ABCC4: variants seen among roughly 807,000 people sequenced by gnomAD.
The protein encoded by ABCC4 is ATP-binding cassette sub-family C member 4.
Under a neutral mutation model 168.5 loss-of-function variants are expected in ABCC4, and 102 were observed. That is an observed-to-expected ratio of 0.61 (90% CI 0.52 to 0.71). ABCC4 has a LOEUF of 0.71. Among genes scored for constraint, ABCC4 ranks in the 30% least tolerant of loss-of-function variants. The pLI is 0.00. For missense variants in ABCC4, 1,402 were observed against 1,605.8 expected, an observed-to-expected ratio of 0.87 and a Z score of 2.17; for synonymous variants, 617 against 590.7, an observed-to-expected ratio of 1.04 and a Z score of -0.65.
chr13:95,281,238 A>AGG (rs1261793057), intron 1 of ABCC4, among the ~76,000 whole-genome samples: 1 of 130,720 alleles, frequency 7.6e-6, no homozygotes. Flanking sequence ...TGAATCTGGG[A>AGG]GGTGGACGTT....
chr13:95,191,052 C>T (rs569883322), intron 9 of ABCC4, among the ~76,000 whole-genome samples: 3 of 152,284 alleles, frequency 2.0e-5, no homozygotes, highest in South Asian at 4.1e-4. Flanking sequence ...GAGGGAAGCA[C>T]GCATGGAGTC....
In ABCC4 at chr13:95,289,796, C is replaced by A. The variant is rs181214777; in HGVS notation, c.74+11445G>T. Among the ~76,000 whole-genome samples the A allele has an allele frequency of 2.0e-5, 3 of 152,224 alleles. No homozygotes were observed. The East Asian group carries it at 5.8e-4, about 29-fold the overall frequency. On this transcript the variant is annotated intron_variant, in intron 1 of 30. Coordinates refer to ENST00000645237, the MANE Select transcript of ABCC4 (RefSeq NM_005845.5). ...CAGTGCCCATCAGAAACGTAGAGAA[C>A]CTTTTTAAAATATTGATGTGCGGGG...
chr13:95,281,795 CA>C (rs2041131411), intron 1 of ABCC4, among the ~76,000 whole-genome samples: 1 of 151,818 alleles, frequency 6.6e-6, no homozygotes, highest in African/African-American at 2.4e-5. Flanking sequence ...ATAGTCTGCT[CA>C]GGCTGCCATA....
chr13:95,033,496 C>T (rs2031980051), intron 30 of ABCC4, among the ~76,000 whole-genome samples: 1 of 152,172 alleles, frequency 6.6e-6, no homozygotes. Context: ...TTAAATCAAA[C>T]TGCAGTTATC....
rs750481110 is a variant in ABCC4, at chr13:95,206,568, C to T, written c.1125G>A (p.Arg375=). 7 of 1,613,980 alleles carry T rather than the reference C, an allele frequency of 4.3e-6. No individual in the cohort carries two copies. In the African/African-American group the frequency reaches 8.0e-5, roughly 18 times the overall value. Residue 375 remains arginine, a synonymous_variant, in exon 8 of 31, where the codon AGG becomes AGA. Transcript: ENST00000645237. ...VTLFFPSAIE[R]VSEAIVSIRR... is the part of the protein sequence containing the mutation. The stretch of plus-strand genomic sequence containing the variant: ...GGATGCTGACGATTGCCTCTGACAC[C>T]CTCTCAATGGCTGAGGGGAAGAAGA...
intron 19 of ABCC4, among the ~76,000 whole-genome samples, chr13:95,116,423 A>AT (rs1299384398): frequency 2.0e-5 from 3 of 152,272 alleles, no homozygotes; most frequent in East Asian, 1.9e-4. Context: ...TAAGTGGTAT[A>AT]TTTTTTATAT....
intron 1 of ABCC4, among the ~76,000 whole-genome samples, chr13:95,278,417 C>T (rs1231924957): frequency 6.6e-6 from 1 of 152,110 alleles, no homozygotes; most frequent in Non-Finnish European, 1.5e-5. Context: ...CCAACTGGTA[C>T]AGGTGAAAAG....
intron 4 of ABCC4, among the ~76,000 whole-genome samples, chr13:95,230,600 C>A (rs945432872): frequency 3.3e-5 from 5 of 152,106 alleles, no homozygotes; most frequent in Non-Finnish European, 7.4e-5. Flanking sequence ...CATGGTGAAA[C>A]CCTGTCTCTA....
At chr13:95,124,855 G>A (rs572305967) in intron 19 of ABCC4, among the ~76,000 whole-genome samples, 3 of 151,060 alleles carry the variant, frequency 2.0e-5, no homozygotes, top group East Asian at 3.9e-4. Context: ...TCCAGGCTGG[G>A]TGACAGAGTG....
chr13:95,059,478 G>A (rs1475230269), intron 26 of ABCC4, among the ~76,000 whole-genome samples: 1 of 152,190 alleles, frequency 6.6e-6, no homozygotes, highest in African/African-American at 2.4e-5. Flanking sequence ...AACCAGTGTC[G>A]GCTGCCTGCT....
rs527871912 is a variant in ABCC4 at position 95,209,592 on chromosome 13, T to C, written c.627A>G (p.Thr209=). Reference sequence around the variant, plus strand: ...CTGCCCACAGGAAGTGTAAGAACACTGTCACCTTTAAAGAAAAAGACAGAG... The same window carrying C: ...CTGCCCACAGGAAGTGTAAGAACACCGTCACCTTTAAAGAAAAAGACAGAG... ...SNDVNKFDQV[T]VFLHFLWAGP... Residue 209 remains threonine (T), a synonymous_variant, in exon 6 of 31, where the codon ACA becomes ACG. Transcript: ENST00000645237. The C allele has an allele frequency of 6.2e-7, 1 of 1,611,028 alleles. No individual in the cohort carries two copies. The highest frequency in any genetic ancestry group is 2.2e-5 in the East Asian group (1 of 44,812).
At chr13:95,137,186 T>C (rs2036169142) in intron 19 of ABCC4, among the ~76,000 whole-genome samples, 1 of 152,214 alleles carries the variant, frequency 6.6e-6, no homozygotes, top group Admixed American at 6.5e-5. Flanking sequence ...TTGGCCGCTT[T>C]CATAACACTT....
chr13:95,300,853 C>A (rs2041656722), intron 1 of ABCC4, among the ~76,000 whole-genome samples: 1 of 152,234 alleles, frequency 6.6e-6, no homozygotes, highest in Non-Finnish European at 1.5e-5. Flanking sequence ...CGGGAGCCAG[C>A]GAAGGGTGGG....
In ABCC4 at chr13:95,164,118, A is replaced by G. The variant is rs574489001; in HGVS notation, c.2175+260T>C. Among the ~76,000 whole-genome samples, 3 of 152,176 alleles carry G rather than the reference A, an allele frequency of 2.0e-5. No individual in the cohort carries two copies. The East Asian group carries it at 5.8e-4, about 29-fold the overall frequency. The stretch of plus-strand genomic sequence containing the variant: ...AGAACTCGCATAGTTCTTCCAGCTC[A>G]GGTCTGTGCCAAGCCCAAACTCCCA... On this transcript the variant is annotated intron_variant, in intron 16 of 30. Coordinates refer to ENST00000645237, the MANE Select transcript of ABCC4 (RefSeq NM_005845.5).
intron 3 of ABCC4, among the ~76,000 whole-genome samples, chr13:95,240,181 T>C (rs2138778901): frequency 6.6e-6 from 1 of 152,294 alleles, no homozygotes; most frequent in South Asian, 2.1e-4. Context: ...GGAGGAGGGA[T>C]ATGCAATGAG....
intron 25 of ABCC4, among the ~76,000 whole-genome samples, chr13:95,069,306 G>GGGT (rs2033648664): frequency 6.6e-6 from 1 of 152,118 alleles, no homozygotes; most frequent in Non-Finnish European, 1.5e-5. Flanking sequence ...GGGGTACAGA[G>GGGT]ACGAATATAA....
At position 95,078,428 on chromosome 13, in the gene ABCC4, AAAG is replaced by A. The variant is rs1300239672; in HGVS notation, c.2687-2880_2687-2878del. 9.2e-3 allele frequency among the ~76,000 whole-genome samples: 212 copies of A among 23,132 alleles called. 6 individuals carry two copies. The South Asian group carries it at 0.099, about 11-fold the overall frequency. The allele number at this position is 23,132 out of a possible 152,430, so 15.2% of individuals were successfully genotyped here. Reference sequence around the variant, plus strand: ...ACTATGTCTCAAAAAAACAAAAACAAAAGCAAGAAAACAAAAAGATGACTCTTC... The same window carrying A: ...ACTATGTCTCAAAAAAACAAAAACAACAAGAAAACAAAAAGATGACTCTTC... On this transcript the variant is annotated intron_variant, in intron 21 of 30. Coordinates refer to ENST00000645237, the MANE Select transcript of ABCC4 (RefSeq NM_005845.5).
chr13:95,170,696 T>C (rs972823725), intron 13 of ABCC4, 68 bp from the exon 14 acceptor site: 29 of 931,792 alleles, frequency 3.1e-5, no homozygotes, highest in South Asian at 9.1e-5. Flanking sequence ...AAAACATACA[T>C]TTTGAAACCG....
At chr13:95,283,998 G>C (rs1222639375) in intron 1 of ABCC4, among the ~76,000 whole-genome samples, 1 of 151,504 alleles carries the variant, frequency 6.6e-6, no homozygotes, top group Non-Finnish European at 1.5e-5. Context: ...TCGGGAGTTC[G>C]AGACCAGCCT....
Sources: gnomAD v4.1 joint callset for allele counts (sites outside exome capture counted in the v4.1 genomes callset) on GRCh38, gnomAD v4.1.1 for gene constraint, MANE v1.5 for transcripts, NCBI Gene and HGNC (gene_info 2026-07-23, HGNC 2026-07-21) for gene names.